Variants in GALNT18 observed in about 807,000 individuals in gnomAD.
GALNT18 encodes the protein GalNAc-transferase 18.
In GALNT18, 44 loss-of-function variants were observed where a neutral mutation model predicts 69.5. The ratio of observed to expected loss-of-function variants is 0.63; its 90% CI spans 0.50 to 0.81. The LOEUF (loss-of-function observed/expected upper bound fraction) is 0.81. Ranked by LOEUF, GALNT18 falls within the 40% of genes least tolerant of loss-of-function variation. The pLI is 0.00. For missense variants in GALNT18, 715 were observed against 810.0 expected, an observed-to-expected ratio of 0.88 and a Z score of 1.42; for synonymous variants, 364 against 318.2, an observed-to-expected ratio of 1.14 and a Z score of -1.53.
Position 11,469,910 on chromosome 11 carries a change from C to T in GALNT18, c.236-20974G>A, listed in dbSNP as rs972845633. On this transcript the variant is annotated intron_variant, in intron 1 of 10. Coordinates refer to ENST00000227756, the MANE Select transcript of GALNT18 (RefSeq NM_198516.3). This position sits in a 1 kb window ranked among gnomAD's most constrained non-coding sequence, Gnocchi z 4.2. Reference sequence around the variant, plus strand: ...AGGACATAGTCATTCCATCAGGCCCCCAGAACAGGGTCCCTAGTCACAAGC... The same window carrying T: ...AGGACATAGTCATTCCATCAGGCCCTCAGAACAGGGTCCCTAGTCACAAGC... Among the ~76,000 whole-genome samples the T allele has an allele frequency of 6.6e-6, 1 of 152,188 alleles. No homozygotes were observed. The highest frequency in any genetic ancestry group is 1.5e-5 in the Non-Finnish European group (1 of 68,034).
chr11:11,309,043 G>A lies in GALNT18; in HGVS notation c.1513-15850C>T, dbSNP rs953707599. 1.3e-5 allele frequency among the ~76,000 whole-genome samples: 2 copies of A among 152,198 alleles called. No homozygotes were observed. The highest frequency in any genetic ancestry group is 1.3e-4 in the Admixed American group (2 of 15,282). On this transcript the variant is annotated intron_variant, in intron 9 of 10. Transcript: ENST00000227756. The surrounding 1 kb of genome is among the most constrained non-coding windows in gnomAD (Gnocchi z 4.6). ...TGTTGAAAACTTGATCCTTAATGTG[G>A]TGGTGCTGGGAGGTAGGGCCTAATG...
intron 2 of GALNT18, among the ~76,000 whole-genome samples, chr11:11,446,247 C>T (rs112196792): frequency 0.021 from 3,259 of 152,302 alleles, 92 homozygotes; most frequent in African/African-American, 0.068. Flanking sequence ...ATGGGAAGGG[C>T]ATTATCGGCA....
At chr11:11,299,158 T>C (rs1849449826) in intron 9 of GALNT18, among the ~76,000 whole-genome samples, 1 of 152,214 alleles carries the variant, frequency 6.6e-6, no homozygotes, top group South Asian at 2.1e-4. Context: ...TTTTATTTTT[T>C]AATTTTTTGA....
chr11:11,574,718 C>T (rs1858876657), intron 1 of GALNT18, among the ~76,000 whole-genome samples: 1 of 149,132 alleles, frequency 6.7e-6, no homozygotes, highest in African/African-American at 2.5e-5. Context: ...AGGGGAATCC[C>T]TTCTGCAGGA....
At chr11:11,474,195 G>C (rs146656751) in intron 1 of GALNT18, among the ~76,000 whole-genome samples, 1 of 152,240 alleles carries the variant, frequency 6.6e-6, no homozygotes, top group Non-Finnish European at 1.5e-5. Flanking sequence ...TGCTGCTTTA[G>C]ATAGAGTGGT....
At position 11,584,774 on chromosome 11, in the gene GALNT18, T is replaced by C. The variant is rs144008227; in HGVS notation, c.235+36585A>G. ...GGTGGACAATGAACTACGTACTTTT[T>C]TCATGAAACACTATTTTCACTTAAA... On this transcript the variant is annotated intron_variant, in intron 1 of 10. Coordinates refer to ENST00000227756, the MANE Select transcript of GALNT18 (RefSeq NM_198516.3). This position sits in a 1 kb window ranked among gnomAD's most constrained non-coding sequence, Gnocchi z 4.1. Among the ~76,000 whole-genome samples the C allele has an allele frequency of 3.3e-5, 5 of 152,002 alleles. No homozygotes were observed. In the East Asian group the frequency reaches 9.6e-4, roughly 29 times the overall value.
intron 3 of GALNT18, among the ~76,000 whole-genome samples, chr11:11,414,527 C>T (rs1854807707): frequency 6.6e-6 from 1 of 152,204 alleles, no homozygotes; most frequent in African/African-American, 2.4e-5. Flanking sequence ...TCTCTCCTTC[C>T]ATCCTTTAAA....
chr11:11,368,217 T>A (rs1382493478), intron 6 of GALNT18, among the ~76,000 whole-genome samples: 1 of 152,250 alleles, frequency 6.6e-6, no homozygotes, highest in East Asian at 1.9e-4. Flanking sequence ...CTATCTTTTC[T>A]CTTTGACTGC....
At chr11:11,431,005 T>C (rs1230656683) in intron 3 of GALNT18, among the ~76,000 whole-genome samples, 1 of 152,250 alleles carries the variant, frequency 6.6e-6, no homozygotes, top group Non-Finnish European at 1.5e-5. Flanking sequence ...CCTCTATATC[T>C]GATTCACTTT....
intron 9 of GALNT18, among the ~76,000 whole-genome samples, chr11:11,306,163 T>TA (rs1322808013): frequency 6.6e-6 from 1 of 151,892 alleles, no homozygotes; most frequent in African/African-American, 2.4e-5. Context: ...TGCACAGCAT[T>TA]AAGCAGAGCT....
At chr11:11,554,277 C>T (rs1858275244) in intron 1 of GALNT18, among the ~76,000 whole-genome samples, 1 of 152,124 alleles carries the variant, frequency 6.6e-6, no homozygotes, top group African/African-American at 2.4e-5. Context: ...TTGCCACAGC[C>T]TGGCCTTCTT....
chr11:11,390,232 G>A (rs77070646), intron 3 of GALNT18, among the ~76,000 whole-genome samples: 1,765 of 152,214 alleles, frequency 0.012, 23 homozygotes, highest in Middle Eastern at 0.02. Flanking sequence ...CTGTGTGCTC[G>A]TCATTTTCCC....
At chr11:11,371,889 G>A (rs1850915925) in intron 6 of GALNT18, among the ~76,000 whole-genome samples, 1 of 152,210 alleles carries the variant, frequency 6.6e-6, no homozygotes, top group Admixed American at 6.5e-5. Flanking sequence ...AAATAACATA[G>A]AGCCTCTTGG....
rs1860150667 is a variant in GALNT18, at chr11:11,620,081, G to A, written c.235+1278C>T. 6.6e-6 allele frequency among the ~76,000 whole-genome samples: 1 copy of A among 151,122 alleles called. No homozygotes were observed. Among genetic ancestry groups the A allele is most frequent in the Non-Finnish European group, 1.5e-5 (1 of 67,764 alleles). The stretch of plus-strand genomic sequence containing the variant: ...ATCTCTACTCTGGCAAGAGCAGCAG[G>A]TGCAAGGATTGGAATTCAGACATCC... On this transcript the variant is annotated intron_variant, in intron 1 of 10. Coordinates refer to ENST00000227756, the MANE Select transcript of GALNT18 (RefSeq NM_198516.3). The surrounding 1 kb of genome is among the most constrained non-coding windows in gnomAD (Gnocchi z 6.9).
At chr11:11,522,994 C>G (rs183926426) in intron 1 of GALNT18, among the ~76,000 whole-genome samples, 1 of 152,328 alleles carries the variant, frequency 6.6e-6, no homozygotes, top group Admixed American at 6.5e-5. Flanking sequence ...AGAGACTGAG[C>G]GCAGTGCAGT....
rs987990643 is a variant in GALNT18, at chr11:11,543,256, T to A, written c.235+78103A>T. ...TAATTCCAGCCAGGCTGATCTGTGA[T>A]CATTGCAAGTTGTTGCATCCTTGAG... On this transcript the variant is annotated intron_variant, in intron 1 of 10. Coordinates refer to ENST00000227756, the MANE Select transcript of GALNT18 (RefSeq NM_198516.3). This position sits in a 1 kb window ranked among gnomAD's most constrained non-coding sequence, Gnocchi z 5.1. 6.6e-6 allele frequency among the ~76,000 whole-genome samples: 1 copy of A among 152,218 alleles called. No individual in the cohort carries two copies. The highest frequency in any genetic ancestry group is 1.5e-5 in the Non-Finnish European group (1 of 68,050).
At chr11:11,452,310 T>C (rs1311006469) in intron 1 of GALNT18, among the ~76,000 whole-genome samples, 1 of 152,250 alleles carries the variant, frequency 6.6e-6, no homozygotes, top group Non-Finnish European at 1.5e-5. Flanking sequence ...AGTTTCCTCT[T>C]CTGGAAAATG....
At chr11:11,388,553 AG>A (rs1179526204) in intron 3 of GALNT18, among the ~76,000 whole-genome samples, 2 of 152,148 alleles carry the variant, frequency 1.3e-5, no homozygotes, top group Non-Finnish European at 1.5e-5. Flanking sequence ...CCTGTGGTAT[AG>A]ATGCTTCCAC....
intron 1 of GALNT18, among the ~76,000 whole-genome samples, chr11:11,513,799 AT>A (rs895960606): frequency 1.2e-4 from 18 of 152,102 alleles, no homozygotes; most frequent in Admixed American, 1.2e-3. Flanking sequence ...TTATTTATTT[AT>A]TTTTTTTGTA....
Sources: allele counts gnomAD v4.1 joint callset (sites outside exome capture counted in the v4.1 genomes callset), GRCh38; gene constraint gnomAD v4.1.1; non-coding constraint Gnocchi (gnomAD v3.1); transcripts MANE v1.5; gene names NCBI Gene and HGNC (gene_info 2026-07-23, HGNC 2026-07-21).